CCNH: variants seen among roughly 807,000 people sequenced by gnomAD.
The protein encoded by CCNH is cyclin H, also known as cyclin-H.
Under a neutral mutation model 41.9 loss-of-function variants are expected in CCNH, and 31 were observed. The observed-to-expected ratio is 0.74, with a 90% CI of 0.56 to 1.00. The LOEUF is 1.00. CCNH is among the 50% of genes least tolerant of loss of function. The probability of loss-of-function intolerance (pLI) is 0.00; values close to 1 mark genes in which losing one functional copy is unlikely to be tolerated. For synonymous variants in CCNH, 138 were observed against 136.1 expected, an observed-to-expected ratio of 1.01 and a Z score of -0.10; for missense variants, 362 against 388.4, an observed-to-expected ratio of 0.93 and a Z score of 0.57.
chr5:87,374,734 T>A (rs1317233831), downstream of CCNH: 24 of 1,501,274 alleles, frequency 1.6e-5, no homozygotes, highest in Non-Finnish European at 1.9e-5. Flanking sequence ...ACACTGTTTT[T>A]TTTTTTAAAG....
intron 6 of CCNH, among the ~76,000 whole-genome samples, 200 bp from the exon 7 acceptor site, chr5:87,399,705 CTCT>C (rs1763251565): frequency 6.6e-6 from 1 of 152,154 alleles, no homozygotes; most frequent in Admixed American, 6.5e-5. Flanking sequence ...GTAATTATGG[CTCT>C]CTGCTGTTTA....
rs142123319 is a variant in CCNH, at chr5:87,329,672, T to C, written c.*91-10775A>G. Among the ~76,000 whole-genome samples the C allele has an allele frequency of 2.2e-4, 33 of 152,166 alleles. 1 individual carries two copies. In the East Asian group the frequency reaches 6.2e-3, roughly 29 times the overall value. ...TTAACAAATAACAAGTATATAAAAA[T>C]AGAGATTTTTAAAAATTGTCCTTAA... On this transcript the variant is annotated intron_variant and NMD_transcript_variant, in intron 9 of 9. Coordinates refer to the CCNH transcript ENST00000645953.
chr5:87,368,270 T>C (rs1760670898), intron 9 of CCNH, among the ~76,000 whole-genome samples: 1 of 152,178 alleles, frequency 6.6e-6, no homozygotes, highest in Admixed American at 6.6e-5. Flanking sequence ...TTTCAGGACT[T>C]CATTTTATTA....
intron 9 of CCNH, among the ~76,000 whole-genome samples, chr5:87,363,118 A>G (rs1760240872): frequency 6.6e-6 from 1 of 152,018 alleles, no homozygotes; most frequent in African/African-American, 2.4e-5. Context: ...CTCTGAAGAT[A>G]TAGTTAAGGT....
chr5:87,394,154 T>A, downstream of CCNH: 1 of 758,448 alleles, frequency 1.3e-6, no homozygotes, highest in Middle Eastern at 5.5e-4. Context: ...GTGCCTTTTT[T>A]AAAAAAAGCA....
chr5:87,406,052 C>T (rs1763766324), intron 4 of CCNH, among the ~76,000 whole-genome samples: 1 of 152,178 alleles, frequency 6.6e-6, no homozygotes, highest in Non-Finnish European at 1.5e-5. Flanking sequence ...TATTTTCCAT[C>T]TGTCTTAATG....
chr5:87,409,974 T>C (rs1244604515), intron 2 of CCNH, among the ~76,000 whole-genome samples: 1 of 152,176 alleles, frequency 6.6e-6, no homozygotes, highest in African/African-American at 2.4e-5. Context: ...GGTGAAGTAT[T>C]ACTATCTCTA....
At chr5:87,340,113 G>T (rs1401242119) in intron 9 of CCNH, among the ~76,000 whole-genome samples, 2 of 152,076 alleles carry the variant, frequency 1.3e-5, no homozygotes, top group Non-Finnish European at 2.9e-5. Context: ...GAAAATGTTT[G>T]TTGAGTAAAT....
intron 7 of CCNH, among the ~76,000 whole-genome samples, chr5:87,395,894 C>T (rs574304702): frequency 2.8e-4 from 43 of 151,920 alleles, no homozygotes; most frequent in African/African-American, 1.0e-3. Context: ...GGTGTGGGAG[C>T]TGGGGCAAAA....
downstream of CCNH, among the ~76,000 whole-genome samples, chr5:87,389,132 AATCTTTT>A (rs1762279833): frequency 6.6e-6 from 1 of 152,178 alleles, no homozygotes. Context: ...ACCCAATTAG[AATCTTTT>A]CACATGAGAC....
upstream of CCNH, chr5:87,378,521 A>G: frequency 6.2e-7 from 1 of 1,611,020 alleles, no homozygotes; most frequent in Non-Finnish European, 8.5e-7. Flanking sequence ...GATAATGGAA[A>G]GCAAGCAGTC....
At chr5:87,407,055 C>G (rs1413559529) in intron 4 of CCNH, among the ~76,000 whole-genome samples, 1 of 152,154 alleles carries the variant, frequency 6.6e-6, no homozygotes, top group Non-Finnish European at 1.5e-5. Flanking sequence ...CCCTGCATTG[C>G]TAGGCTCTGT....
intron 9 of CCNH, among the ~76,000 whole-genome samples, chr5:87,356,578 C>G (rs1429874880): frequency 1.3e-5 from 2 of 151,980 alleles, no homozygotes; most frequent in Non-Finnish European, 2.9e-5. Context: ...GAGATAGAGT[C>G]TTGCTCTGTT....
chr5:87,335,973 A>G (rs935169632), intron 9 of CCNH, among the ~76,000 whole-genome samples: 3 of 152,208 alleles, frequency 2.0e-5, no homozygotes, highest in Non-Finnish European at 4.4e-5. Flanking sequence ...TTTTTGGTGT[A>G]ATTTCATAGA....
At position 87,406,873 on chromosome 5, in the gene CCNH, CT is replaced by C. The variant is rs142653417; in HGVS notation, c.525+1102del. 4.1e-3 allele frequency among the ~76,000 whole-genome samples: 623 copies of C among 152,254 alleles called. 9 individuals are homozygous for C. Among genetic ancestry groups the C allele is most frequent in the African/African-American group, 0.014 (598 of 41,540 alleles). ...ACACATACAGATGCGCGATAAATACCTGATCCATAAGGTTGCCAACATGATC... is the reference window on the plus strand; with the variant it reads ...ACACATACAGATGCGCGATAAATACCGATCCATAAGGTTGCCAACATGATC... On this transcript the variant is annotated intron_variant, in intron 4 of 8. Coordinates refer to ENST00000256897, the MANE Select transcript of CCNH (RefSeq NM_001239.4).
chr5:87,382,074 C>T (rs773349767), upstream of CCNH, among the ~76,000 whole-genome samples: 11 of 152,218 alleles, frequency 7.2e-5, no homozygotes, highest in Non-Finnish European at 1.6e-4. Context: ...GTGCTTCATC[C>T]ACCCAAGTAG....
chr5:87,345,773 G>A (rs1343923922), intron 9 of CCNH, among the ~76,000 whole-genome samples: 2 of 152,126 alleles, frequency 1.3e-5, no homozygotes, highest in East Asian at 1.9e-4. Flanking sequence ...TATTTTAGTC[G>A]TATATTTACT....
chr5:87,347,435 T>G (rs989879266), intron 9 of CCNH, among the ~76,000 whole-genome samples: 2 of 152,016 alleles, frequency 1.3e-5, no homozygotes, highest in African/African-American at 4.8e-5. Flanking sequence ...TACCGAGCAT[T>G]TCTTTGGCAA....
At chr5:87,382,428 A>G (rs1401678361) in intron 9 of CCNH, among the ~76,000 whole-genome samples, 1 of 152,206 alleles carries the variant, frequency 6.6e-6, no homozygotes, top group Non-Finnish European at 1.5e-5. Flanking sequence ...GTAACTCATT[A>G]TTTTGGGAAT....
Sources: allele counts gnomAD v4.1 joint callset (sites outside exome capture counted in the v4.1 genomes callset), GRCh38; gene constraint gnomAD v4.1.1; transcripts MANE v1.5; gene names NCBI Gene and HGNC (gene_info 2026-07-23, HGNC 2026-07-21).